SIRT5: variants seen among roughly 807,000 people sequenced by gnomAD.
The protein encoded by SIRT5 is sirtuin 5, also known as NAD-dependent protein deacylase sirtuin-5, mitochondrial.
A neutral mutation model predicts 40.0 loss-of-function variants in SIRT5; 26 were observed. The ratio of observed to expected loss-of-function variants is 0.65; its 90% CI spans 0.48 to 0.90. The LOEUF is 0.90. Among genes scored for constraint, SIRT5 ranks in the 40% least tolerant of loss-of-function variants. SIRT5 has a pLI of 0.00. For missense variants in SIRT5, 401 were observed against 402.4 expected, an observed-to-expected ratio of 1.00 and a Z score of 0.03; for synonymous variants, 146 against 149.1, an observed-to-expected ratio of 0.98 and a Z score of 0.15.
chr6:13,604,553 A>G (rs199905721), intron 9 of SIRT5: 12 of 1,578,122 alleles, frequency 7.6e-6, no homozygotes, highest in Non-Finnish European at 1.0e-5. Context: ...AAGAAAATGC[A>G]GATAGAGAAA....
chr6:13,599,194 A>G (rs1390567445), intron 8 of SIRT5, 39 bp downstream of exon 8: 13 of 1,581,338 alleles, frequency 8.2e-6, no homozygotes, highest in Non-Finnish European at 1.1e-5. Flanking sequence ...ACAGGACTGG[A>G]GTTTGTTATT....
intron 7 of SIRT5, among the ~76,000 whole-genome samples, chr6:13,598,177 C>A (rs1010726612): frequency 2.6e-5 from 4 of 152,062 alleles, no homozygotes; most frequent in Non-Finnish European, 5.9e-5. Context: ...AATAGGTAGA[C>A]CTGGAGGATT....
intron 2 of SIRT5, among the ~76,000 whole-genome samples, chr6:13,579,939 T>C (rs1389118860): frequency 6.6e-6 from 1 of 152,238 alleles, no homozygotes; most frequent in African/African-American, 2.4e-5. Flanking sequence ...TTGTCAAAAG[T>C]TTATCATGCC....
chr6:13,611,220 TATATATATATATATATAC>T (rs1562284193), intron 9 of SIRT5, among the ~76,000 whole-genome samples: 2 of 135,214 alleles, frequency 1.5e-5, no homozygotes, highest in Non-Finnish European at 1.6e-5. Flanking sequence ...TATATATATA[TATATATATATATATATAC>T]ACACACACAT....
chr6:13,594,892 T>C (rs1016613804), intron 5 of SIRT5, among the ~76,000 whole-genome samples: 1 of 152,260 alleles, frequency 6.6e-6, no homozygotes, highest in Non-Finnish European at 1.5e-5. Flanking sequence ...GATTACTTAT[T>C]TATTGAGGTG....
At chr6:13,605,654 G>A (rs535082757) in intron 9 of SIRT5, 12 of 985,366 alleles carry the variant, frequency 1.2e-5, no homozygotes, top group Admixed American at 6.1e-5. Flanking sequence ...TGGTTTTGTC[G>A]TTTTCCCCAT....
chr6:13,609,096 A>C (rs915488279), intron 9 of SIRT5, among the ~76,000 whole-genome samples: 1 of 152,226 alleles, frequency 6.6e-6, no homozygotes, highest in Non-Finnish European at 1.5e-5. Context: ...TGCTGGAATT[A>C]CAGGCGTGAG....
intron 9 of SIRT5, among the ~76,000 whole-genome samples, chr6:13,603,121 C>G (rs183396444): frequency 6.6e-6 from 1 of 151,890 alleles, no homozygotes; most frequent in East Asian, 1.9e-4. Flanking sequence ...ACTAAAAATA[C>G]AAAAAATTAG....
At chr6:13,603,822 A>G (rs1762738051) in intron 9 of SIRT5, among the ~76,000 whole-genome samples, 1 of 152,232 alleles carries the variant, frequency 6.6e-6, no homozygotes, top group Non-Finnish European at 1.5e-5. Context: ...GGATGAATAA[A>G]TAAAATTTGG....
At chr6:13,595,438 T>G (rs1480553609) in intron 5 of SIRT5, 39 bp from the exon 6 acceptor site, 1 of 1,466,608 alleles carries the variant, frequency 6.8e-7, no homozygotes, top group Non-Finnish European at 9.6e-7. Context: ...TGCTCTTGAT[T>G]ATACTAAATT....
intron 7 of SIRT5, among the ~76,000 whole-genome samples, chr6:13,597,505 A>G (rs1404881584): frequency 2.0e-5 from 3 of 150,366 alleles, no homozygotes; most frequent in Non-Finnish European, 4.4e-5. Flanking sequence ...CAGCACTTCT[A>G]TAACCTGTAA....
intron 8 of SIRT5, among the ~76,000 whole-genome samples, chr6:13,600,025 CTACTG>C (rs1382885268): frequency 1.3e-5 from 2 of 152,196 alleles, no homozygotes; most frequent in African/African-American, 4.8e-5. Flanking sequence ...AGCTAATTCT[CTACTG>C]TAAGACATTT....
intron 8 of SIRT5, among the ~76,000 whole-genome samples, chr6:13,599,841 A>T (rs1205134794): frequency 6.6e-6 from 1 of 152,258 alleles, no homozygotes; most frequent in Non-Finnish European, 1.5e-5. Context: ...TTTCTTATGC[A>T]GATGTACACG....
Position 13,595,743 on chromosome 6 carries a change from TG to T in SIRT5, c.563+183del, listed in dbSNP as rs201749854. The stretch of plus-strand genomic sequence containing the variant: ...ATCCCAGCACTTTGGGGTTACAAGG[TG>T]GGGAGACTGCTTGAGTTCAGGAGTT... On this transcript the variant is annotated intron_variant, in intron 6 of 9. Coordinates refer to ENST00000606117, the MANE Select transcript of SIRT5 (RefSeq NM_012241.5). Among the ~76,000 whole-genome samples, 1,452 of 151,952 alleles carry T rather than the reference TG, an allele frequency of 9.6e-3. 29 individuals are homozygous for T. Among genetic ancestry groups the T allele is most frequent in the African/African-American group, 0.033 (1,366 of 41,444 alleles).
chr6:13,597,677 C>A (rs1761769469), intron 7 of SIRT5, among the ~76,000 whole-genome samples: 2 of 152,140 alleles, frequency 1.3e-5, no homozygotes, highest in South Asian at 4.2e-4. Context: ...TCCCGAGTAG[C>A]TGGGATTATA....
intron 9 of SIRT5, chr6:13,604,429 C>T: frequency 8.8e-7 from 1 of 1,136,900 alleles, no homozygotes; most frequent in Non-Finnish European, 1.3e-6. Flanking sequence ...GAAGCAGGAC[C>T]TGAGCTATGT....
At position 13,577,687 on chromosome 6, in the gene SIRT5, A is replaced by G. The variant is rs187181656; in HGVS notation, c.-194-1764A>G. 2.6e-3 allele frequency among the ~76,000 whole-genome samples: 386 copies of G among 148,342 alleles called. 1 individual carries two copies. Among genetic ancestry groups the G allele is most frequent in the African/African-American group, 9.2e-3 (376 of 40,922 alleles). On this transcript the variant is annotated intron_variant, in intron 1 of 9. Transcript: ENST00000606117. Reference sequence around the variant, plus strand: ...TATATATCCCTATAGATCTCTCTGTATATCTTATATACATAGATATTATAT... The same window carrying G: ...TATATATCCCTATAGATCTCTCTGTGTATCTTATATACATAGATATTATAT...
chr6:13,601,419 A>C (rs779466284), intron 9 of SIRT5, among the ~76,000 whole-genome samples: 4 of 152,174 alleles, frequency 2.6e-5, no homozygotes, highest in Non-Finnish European at 5.9e-5. Flanking sequence ...CCTGCTTCCC[A>C]AGTTTGGGTG....
At chr6:13,598,486 A>G (rs552853923) in intron 7 of SIRT5, among the ~76,000 whole-genome samples, 1 of 152,314 alleles carries the variant, frequency 6.6e-6, no homozygotes, top group East Asian at 1.9e-4. Context: ...GGGAAAGCTT[A>G]GCTGAAACAA....
Sources: allele counts gnomAD v4.1 joint callset (sites outside exome capture counted in the v4.1 genomes callset), GRCh38; gene constraint gnomAD v4.1.1; transcripts MANE v1.5; gene names NCBI Gene and HGNC (gene_info 2026-07-23, HGNC 2026-07-21).